SLC6A7: variants seen among roughly 807,000 people sequenced by gnomAD.
SLC6A7 encodes sodium-dependent proline transporter.
A neutral mutation model predicts 73.1 loss-of-function variants in SLC6A7; 58 were observed. The observed-to-expected ratio is 0.79, with a 90% confidence interval of 0.64 to 0.99. The LOEUF is 0.99. SLC6A7 is among the 50% of genes least tolerant of loss of function. SLC6A7 has a pLI of 0.00. For synonymous variants in SLC6A7, 338 were observed against 338.7 expected (o/e 1.00, Z 0.02); for missense variants, 783 against 831.4 (o/e 0.94, Z 0.72).
intron 6 of SLC6A7, among the ~76,000 whole-genome samples, chr5:150,201,847 G>T (rs1753399322): frequency 6.6e-6 from 1 of 152,110 alleles, no homozygotes; most frequent in African/African-American, 2.4e-5. Flanking sequence ...TGTGTGTAGT[G>T]ATTTAACCCA....
In SLC6A7 at chr5:150,203,767, C is replaced by T. The variant is rs199576234; in HGVS notation, c.1188C>T (p.Gly396=). 812 of 1,598,164 alleles carry T rather than the reference C, an allele frequency of 5.1e-4. 4 individuals carry two copies. Among genetic ancestry groups the T allele is most frequent in the South Asian group, 1.0e-3 (91 of 90,754 alleles). The change falls in exon 9 of 14, where the codon GGC becomes GGT. Residue 396 remains glycine (G), a synonymous_variant. Coordinates refer to ENST00000230671, the MANE Select transcript of SLC6A7 (RefSeq NM_014228.5). ...TCTTCTTCATGCTTCTGACTCTCGG[C>T]CTAGATAGCCAGGTGAGTCTCGTCT... is the stretch of plus-strand genomic sequence containing the variant. ...FLFFFMLLTL[G]LDSQFAFLET...
chr5:150,208,251 C>G (rs1048607751), intron 13 of SLC6A7, among the ~76,000 whole-genome samples: 1 of 151,912 alleles, frequency 6.6e-6, no homozygotes, highest in African/African-American at 2.4e-5. Flanking sequence ...CCAGGATGGT[C>G]AGAGAAGACC....
chr5:150,198,076 A>AAAGG (rs1753136827), intron 4 of SLC6A7, among the ~76,000 whole-genome samples: 2 of 97,252 alleles, frequency 2.1e-5, no homozygotes, highest in African/African-American at 8.7e-5. Flanking sequence ...AGAAAGAAAG[A>AAAGG]AAGAAAGAAA....
intron 1 of SLC6A7, among the ~76,000 whole-genome samples, chr5:150,194,432 TA>T (rs57988226): frequency 0.068 from 8,380 of 124,122 alleles, 627 homozygotes; most frequent in African/African-American, 0.2. Context: ...CTTTCTCAAT[TA>T]AAAAAAAAAA....
In SLC6A7 at chr5:150,199,283, C is replaced by A; in HGVS notation, c.640C>A (p.Arg214Ser). The A allele has an allele frequency of 6.2e-7, 1 of 1,613,916 alleles. No individual in the cohort carries two copies. The highest frequency in any genetic ancestry group is 8.5e-7 in the Non-Finnish European group (1 of 1,179,888). The change falls in exon 5 of 14, where the codon CGC (arginine) becomes AGC (serine). Residue 214 changes from arginine to serine, a missense_variant. Physicochemically the swap from Arg to Ser is moderately radical, Grantham distance 110 (BLOSUM62 -1). Transcript: ENST00000230671. ...SQGIGSPGEIRWNLCLCLLLA... is the reference protein window; with the variant it reads ...SQGIGSPGEISWNLCLCLLLA... ...GGGCATCGGCAGCCCTGGGGAGATC[C>A]GCTGGAACCTCTGCCTCTGCCTGCT...
In SLC6A7 at chr5:150,194,838, G is replaced by A. The variant is rs1160234245; in HGVS notation, c.144G>A (p.Leu48=). The stretch of plus-strand genomic sequence containing the variant: ...GGACAGGCAAGCTGGACTTCCTGCT[G>A]TCCTGCATTGGCTACTGTGTAGGCC... ...GNWTGKLDFL[L]SCIGYCVGLG... Residue 48 remains leucine (L), a synonymous_variant, in exon 2 of 14, where the codon CTG becomes CTA. Transcript: ENST00000230671. The A allele has an allele frequency of 1.9e-6, 3 of 1,614,196 alleles. No homozygotes were observed. In the South Asian group the frequency reaches 3.3e-5, roughly 18 times the overall value.
At chr5:150,192,226 G>C (rs1253010496) in intron 1 of SLC6A7, among the ~76,000 whole-genome samples, 1 of 152,070 alleles carries the variant, frequency 6.6e-6, no homozygotes, top group African/African-American at 2.4e-5. Flanking sequence ...TTGACCTTGG[G>C]CTCATCCCTT....
At chr5:150,201,360 A>AT in intron 6 of SLC6A7, 137 bp downstream of exon 6, 2 of 473,972 alleles carry the variant, frequency 4.2e-6, no homozygotes, top group Non-Finnish European at 7.0e-6. Context: ...TATTATTGTT[A>AT]TTTTTTTCTA....
intron 12 of SLC6A7, 34 bp from the exon 13 acceptor site, chr5:150,205,422 G>C (rs777986781): frequency 6.4e-7 from 1 of 1,559,528 alleles, no homozygotes; most frequent in Non-Finnish European, 8.7e-7. Flanking sequence ...TTAGACAAAA[G>C]CCCGCAGTGA....
chr5:150,194,345 C>T (rs1308296715), intron 1 of SLC6A7, among the ~76,000 whole-genome samples: 1 of 151,528 alleles, frequency 6.6e-6, no homozygotes, highest in Non-Finnish European at 1.5e-5. Context: ...GGGAGAATTG[C>T]TTGAACCCGG....
intron 5 of SLC6A7, 91 bp from the exon 6 acceptor site, chr5:150,200,998 C>A: frequency 7.0e-7 from 1 of 1,420,762 alleles, no homozygotes; most frequent in Non-Finnish European, 9.8e-7. Context: ...TACCCAAAGG[C>A]TGGGGAGGCA....
rs1753242945 is a variant in SLC6A7, at chr5:150,199,252, C to T, written c.609C>T (p.Gly203=). 2 of 1,608,762 alleles carry T rather than the reference C, an allele frequency of 1.2e-6. No homozygotes were observed. The highest frequency in any genetic ancestry group is 1.3e-5 in the African/African-American group (1 of 74,906). ...YWSRYVLHIQ[G]SQGIGSPGEI... ...GCCGCTACGTCCTCCACATCCAAGGCAGCCAGGGCATCGGCAGCCCTGGGG... is the reference window on the plus strand; with the variant it reads ...GCCGCTACGTCCTCCACATCCAAGGTAGCCAGGGCATCGGCAGCCCTGGGG... The change falls in exon 5 of 14, where the codon GGC becomes GGT. Residue 203 remains glycine (G), a synonymous_variant. Transcript: ENST00000230671.
rs763998568 is a variant in SLC6A7, at chr5:150,197,115, C to T, written c.423C>T (p.Leu141=). The change falls in exon 4 of 14, where the codon CTC becomes CTT. Residue 141 remains leucine (L), a synonymous_variant. Coordinates refer to ENST00000230671, the MANE Select transcript of SLC6A7 (RefSeq NM_014228.5). The stretch of plus-strand genomic sequence containing the variant: ...ACAACATGATCATCGCCTACGTGCT[C>T]TTCTACCTCTTCGCCTCCCTCACCA... ...IYYNMIIAYV[L]FYLFASLTSD... 4 of 1,614,170 alleles carry T rather than the reference C, an allele frequency of 2.5e-6. No individual in the cohort carries two copies. The South Asian group carries it at 4.4e-5, about 18-fold the overall frequency.
intron 6 of SLC6A7, 36 bp downstream of exon 6, chr5:150,201,259 C>T: frequency 2.6e-6 from 4 of 1,556,718 alleles, no homozygotes; most frequent in Non-Finnish European, 3.5e-6. Flanking sequence ...AGGGAGGGGC[C>T]AGGCCTGAGC....
At chr5:150,200,347 G>C (rs1009078842) in intron 5 of SLC6A7, among the ~76,000 whole-genome samples, 1 of 152,092 alleles carries the variant, frequency 6.6e-6, no homozygotes, top group African/African-American at 2.4e-5. Context: ...ACAAAAATTA[G>C]CCGGGCATGA....
intron 1 of SLC6A7, among the ~76,000 whole-genome samples, chr5:150,190,936 G>C (rs1020060949): frequency 6.6e-6 from 1 of 152,224 alleles, no homozygotes; most frequent in Non-Finnish European, 1.5e-5. Context: ...GCTATCGGAG[G>C]CAGGAGGATA....
At chr5:150,194,625 C>A in intron 1 of SLC6A7, 103 bp from the exon 2 acceptor site, 1 of 806,886 alleles carries the variant, frequency 1.2e-6, no homozygotes, top group Non-Finnish European at 2.0e-6. Flanking sequence ...CTGAGAATGT[C>A]TTTTCATTTA....
chr5:150,203,784 G>C lies in SLC6A7; in HGVS notation c.1200+5G>C, dbSNP rs1220616999. Reference sequence around the variant, plus strand: ...ACTCTCGGCCTAGATAGCCAGGTGAGTCTCGTCTGTGGCAGCAGGCACCCC... The same window carrying C: ...ACTCTCGGCCTAGATAGCCAGGTGACTCTCGTCTGTGGCAGCAGGCACCCC... On this transcript the variant is annotated splice_donor_5th_base_variant and intron_variant, in intron 9 of 13. Coordinates refer to ENST00000230671, the MANE Select transcript of SLC6A7 (RefSeq NM_014228.5). The C allele has an allele frequency of 6.4e-7, 1 of 1,568,086 alleles. No individual in the cohort carries two copies. The highest frequency in any genetic ancestry group is 1.4e-5 in the African/African-American group (1 of 73,584).
At position 150,193,287 on chromosome 5, in the gene SLC6A7, C is replaced by T. The variant is rs1468001049; in HGVS notation, c.34-1441C>T. Among the ~76,000 whole-genome samples the T allele has an allele frequency of 2.0e-5, 3 of 152,350 alleles. No individual in the cohort carries two copies. In the East Asian group the frequency reaches 5.8e-4, roughly 29 times the overall value. The stretch of plus-strand genomic sequence containing the variant: ...GAGAATGCCCCATGGACCTCTCACC[C>T]ACTTTGAAGCATGAAAGGAGACCTT... On this transcript the variant is annotated intron_variant, in intron 1 of 13. Coordinates refer to ENST00000230671, the MANE Select transcript of SLC6A7 (RefSeq NM_014228.5).
Sources: allele counts gnomAD v4.1 joint callset (sites outside exome capture counted in the v4.1 genomes callset), GRCh38; gene constraint gnomAD v4.1.1; transcripts MANE v1.5; gene names NCBI Gene and HGNC (gene_info 2026-07-23, HGNC 2026-07-21).